CSMD1: variants seen among roughly 807,000 people sequenced by gnomAD.
CSMD1 encodes the protein CUB and sushi domain-containing protein 1.
A neutral mutation model predicts 417.5 loss-of-function variants in CSMD1; 213 were observed. That is an observed-to-expected ratio of 0.51 (90% CI 0.46 to 0.57). The LOEUF is 0.57. CSMD1 is among the 20% of genes least tolerant of loss of function. The pLI is 0.00. For missense variants in CSMD1, 6,923 were observed against 4,529.7 expected (o/e 1.53, Z -15.17); for synonymous variants, 2,862 against 1,736.8 (o/e 1.65, Z -16.11).
At chr8:4,297,374 G>A (rs560686232) in intron 3 of CSMD1, among the ~76,000 whole-genome samples, 3 of 152,080 alleles carry the variant, frequency 2.0e-5, no homozygotes, top group East Asian at 3.9e-4. Flanking sequence ...AGATGCAGAC[G>A]TTCAGCGTAC....
chr8:4,189,620 C>A (rs1016255619), intron 3 of CSMD1, among the ~76,000 whole-genome samples: 2 of 152,116 alleles, frequency 1.3e-5, no homozygotes, highest in Non-Finnish European at 2.9e-5. Flanking sequence ...ATGGCAAAGA[C>A]CCCTAGCAAA....
intron 2 of CSMD1, among the ~76,000 whole-genome samples, chr8:4,626,538 G>C (rs904407066): frequency 1.3e-5 from 2 of 152,012 alleles, no homozygotes; most frequent in Non-Finnish European, 2.9e-5. Context: ...ATCTTAAAGC[G>C]GTTGTAAGAA....
chr8:3,537,159 A>G (rs891556249), intron 10 of CSMD1, among the ~76,000 whole-genome samples: 3 of 152,024 alleles, frequency 2.0e-5, no homozygotes, highest in African/African-American at 7.2e-5. Context: ...GCCCGCCACC[A>G]CGCCCAGCTA....
At chr8:4,791,735 G>A (rs910463688) in intron 1 of CSMD1, among the ~76,000 whole-genome samples, 9 of 152,122 alleles carry the variant, frequency 5.9e-5, no homozygotes, top group Admixed American at 1.3e-4. Flanking sequence ...ATTTTCTGAC[G>A]AAGAAGTTCA....
rs374390837 is a variant in CSMD1, at chr8:3,842,746, G to GA, written c.819-88705dup. On this transcript the variant is annotated intron_variant, in intron 5 of 69. Coordinates refer to ENST00000635120, the MANE Select transcript of CSMD1 (RefSeq NM_033225.6). Reference sequence around the variant, plus strand: ...GTGTCAAGATTAAAATTGGGAAACAGAAAAAAAAAGAAGAGTTAATATTTG... The same window carrying GA: ...GTGTCAAGATTAAAATTGGGAAACAGAAAAAAAAAAGAAGAGTTAATATTTG... Among the ~76,000 whole-genome samples, 8 of 149,540 alleles carry GA rather than the reference G, an allele frequency of 5.3e-5. No individual in the cohort carries two copies. In the South Asian group the frequency reaches 6.3e-4, roughly 12 times the overall value.
chr8:4,543,940 G>C (rs1003772920), intron 2 of CSMD1, among the ~76,000 whole-genome samples: 3 of 152,036 alleles, frequency 2.0e-5, no homozygotes, highest in Non-Finnish European at 4.4e-5. Flanking sequence ...TCTTTGGTGA[G>C]GTGTCTGTTA....
chr8:4,469,141 G>C (rs1563208958), intron 2 of CSMD1, among the ~76,000 whole-genome samples: 1 of 152,154 alleles, frequency 6.6e-6, no homozygotes, highest in South Asian at 2.1e-4. Flanking sequence ...GTAGGAAAAT[G>C]GAAGAAGGCA....
At chr8:4,703,225 A>C (rs76189496) in intron 1 of CSMD1, among the ~76,000 whole-genome samples, 2,638 of 152,326 alleles carry the variant, frequency 0.017, 50 homozygotes, top group African/African-American at 0.045. Flanking sequence ...CATACAGTGT[A>C]AACCAACGGT....
chr8:4,131,717 T>C (rs551193883), intron 3 of CSMD1, among the ~76,000 whole-genome samples: 22 of 150,756 alleles, frequency 1.5e-4, no homozygotes, highest in African/African-American at 5.1e-4. Context: ...ATCAGAACAA[T>C]GCAGTTGTTA....
intron 26 of CSMD1, among the ~76,000 whole-genome samples, chr8:3,253,069 A>C (rs1451002732): frequency 6.6e-6 from 1 of 151,780 alleles, no homozygotes. Context: ...TCCTTCTGCT[A>C]GCTTTTGAGT....
At chr8:4,697,592 G>C (rs185146846) in intron 1 of CSMD1, among the ~76,000 whole-genome samples, 8 of 152,246 alleles carry the variant, frequency 5.3e-5, no homozygotes, top group Admixed American at 2.0e-4. Context: ...CTATTGACTA[G>C]AGTTCAGTCA....
intron 26 of CSMD1, among the ~76,000 whole-genome samples, chr8:3,281,064 C>T (rs187602021): frequency 6.6e-6 from 1 of 152,150 alleles, no homozygotes; most frequent in African/African-American, 2.4e-5. Flanking sequence ...TACGTCCACA[C>T]AAAAACCTGC....
Position 3,359,857 on chromosome 8 carries a change from C to A in CSMD1, c.3116-517G>T, listed in dbSNP as rs145321864. On this transcript the variant is annotated intron_variant, in intron 20 of 69. Coordinates refer to ENST00000635120, the MANE Select transcript of CSMD1 (RefSeq NM_033225.6). ...CTCATGTATCAAAATATCACATGCA[C>A]CCCATAAATGTGTACAATTATTATG... 4.6e-3 allele frequency among the ~76,000 whole-genome samples: 701 copies of A among 152,186 alleles called. 5 individuals are homozygous for A. Among genetic ancestry groups the A allele is most frequent in the African/African-American group, 0.016 (664 of 41,508 alleles).
chr8:4,005,663 G>C (rs1172604943), intron 4 of CSMD1, among the ~76,000 whole-genome samples: 1 of 152,138 alleles, frequency 6.6e-6, no homozygotes, highest in African/African-American at 2.4e-5. Flanking sequence ...TACTATATTT[G>C]GTGCTTTCTT....
intron 50 of CSMD1, among the ~76,000 whole-genome samples, chr8:3,034,809 A>T (rs1243261093): frequency 6.6e-6 from 1 of 152,196 alleles, no homozygotes; most frequent in East Asian, 1.9e-4. Context: ...TAGACTAGGG[A>T]ATAAGATAAA....
At chr8:3,967,706 G>A (rs1434746781) in intron 5 of CSMD1, among the ~76,000 whole-genome samples, 2 of 152,092 alleles carry the variant, frequency 1.3e-5, no homozygotes, top group Admixed American at 1.3e-4. Flanking sequence ...GGAAAATAAG[G>A]GAAGTGGGCA....
chr8:4,900,904 T>A (rs1169259284), intron 1 of CSMD1, among the ~76,000 whole-genome samples: 1 of 152,216 alleles, frequency 6.6e-6, no homozygotes, highest in Non-Finnish European at 1.5e-5. Flanking sequence ...GGTGCACCAC[T>A]AGTTACTTCT....
intron 3 of CSMD1, among the ~76,000 whole-genome samples, chr8:4,378,205 G>C (rs1802877922): frequency 6.6e-6 from 1 of 152,146 alleles, no homozygotes; most frequent in Non-Finnish European, 1.5e-5. Context: ...CAACGAATTA[G>C]TCGTGTTATG....
At chr8:4,262,636 G>T (rs180909129) in intron 3 of CSMD1, among the ~76,000 whole-genome samples, 1 of 152,190 alleles carries the variant, frequency 6.6e-6, no homozygotes, top group African/African-American at 2.4e-5. Context: ...TCGCCACCCA[G>T]TTAGCCTGGG....
Sources: allele counts gnomAD v4.1 joint callset (sites outside exome capture counted in the v4.1 genomes callset), GRCh38; gene constraint gnomAD v4.1.1; transcripts MANE v1.5; gene names NCBI Gene and HGNC (gene_info 2026-07-23, HGNC 2026-07-21).